Variants in BTNL8 observed in about 807,000 individuals in gnomAD.
The protein encoded by BTNL8 is butyrophilin-like protein 8.
In BTNL8, 22 loss-of-function variants were observed where a neutral mutation model predicts 36.1. The observed-to-expected ratio is 0.61, with a 90% CI of 0.44 to 0.87. The LOEUF (loss-of-function observed/expected upper bound fraction) is 0.87, where lower values mean the gene tolerates loss of function less well. BTNL8 is among the 40% of genes least tolerant of loss of function. The pLI, the probability that BTNL8 is intolerant of heterozygous loss-of-function variation, is 0.00. For missense variants in BTNL8, 526 were observed against 616.9 expected (o/e 0.85, Z 1.56); for synonymous variants, 203 against 235.6 (o/e 0.86, Z 1.27).
In BTNL8 at chr5:180,950,800, C is replaced by G. The variant is rs1759520295; in HGVS notation, c.*256C>G. Reference sequence around the variant, plus strand: ...AGAACCGTCAGGAATTCCCATCTCACAGGCTGTGGTGTAGATTAAGTAGAC... The same window carrying G: ...AGAACCGTCAGGAATTCCCATCTCAGAGGCTGTGGTGTAGATTAAGTAGAC... On this transcript the variant is annotated 3_prime_UTR_variant, in exon 8 of 8. Coordinates refer to ENST00000340184, the MANE Select transcript of BTNL8 (RefSeq NM_001040462.3). The G allele has an allele frequency of 2.1e-6, 1 of 474,834 alleles. No homozygotes were observed. Among genetic ancestry groups the G allele is most frequent in the Non-Finnish European group, 3.9e-6 (1 of 256,866 alleles). 29.4% of individuals were successfully genotyped at this position (474,834 alleles called of 1,614,324 possible). A position where few individuals can be genotyped will look rare whatever the true frequency, so the allele number is the denominator to read the frequency against.
chr5:180,913,221 A>G (rs1161420061), intron 3 of BTNL8, among the ~76,000 whole-genome samples: 1 of 152,170 alleles, frequency 6.6e-6, no homozygotes, highest in Non-Finnish European at 1.5e-5. Context: ...TGCCAGTGAA[A>G]GCAGTCTCAG....
intron 3 of BTNL8, among the ~76,000 whole-genome samples, chr5:180,940,054 T>C (rs962869490): frequency 2.6e-5 from 4 of 152,046 alleles, no homozygotes; most frequent in African/African-American, 9.7e-5. Flanking sequence ...AAAATATAAA[T>C]ACAACATACC....
chr5:180,908,718 C>G lies in BTNL8; in HGVS notation c.182C>G (p.Ser61Cys). The G allele has an allele frequency of 6.2e-7, 1 of 1,614,230 alleles. No individual in the cohort carries two copies. Among genetic ancestry groups the G allele is most frequent in the Non-Finnish European group, 8.5e-7 (1 of 1,180,040 alleles). Residue 61 changes from serine to cysteine, a missense_variant, in exon 2 of 8, where the codon TCT (serine) becomes TGT (cysteine). Transcript: ENST00000340184. ...MEVRFFRGQF[S>C]SVVHLYRDGK... The stretch of plus-strand genomic sequence containing the variant: ...GTGCGGTTCTTCAGGGGCCAGTTCT[C>G]TAGCGTGGTCCACCTCTACAGGGAC...
intron 2 of BTNL8, 46 bp downstream of exon 2, chr5:180,908,979 G>A (rs756653090): frequency 6.5e-7 from 1 of 1,536,830 alleles, no homozygotes; most frequent in South Asian, 1.2e-5. Flanking sequence ...GAACCATCCT[G>A]GACTTTATAA....
Position 180,899,662 on chromosome 5 carries a change from AGGT to A in BTNL8, c.49+304_49+306del, listed in dbSNP as rs1463908496. Among the ~76,000 whole-genome samples, 14 of 152,302 alleles carry A rather than the reference AGGT, an allele frequency of 9.2e-5. No individual in the cohort carries two copies. In the South Asian group the frequency reaches 2.3e-3, roughly 25 times the overall value. ...TGTAGGCAGGGTTATTGGAGCACCA[AGGT>A]TGCTGACATGGATGTCCATCTGGGA... is the stretch of plus-strand genomic sequence containing the variant. On this transcript the variant is annotated intron_variant, in intron 1 of 7. Transcript: ENST00000340184.
chr5:180,941,116 GGAAGGA>G (rs1758920070), intron 3 of BTNL8, among the ~76,000 whole-genome samples: 2 of 85,702 alleles, frequency 2.3e-5, no homozygotes, highest in African/African-American at 6.6e-5. Context: ...AAGGGAGGAA[GGAAGGA>G]AGGAAGGAAG....
rs948630037 is a variant in BTNL8, at chr5:180,935,498, C to T, written c.674-12014C>T. Among the ~76,000 whole-genome samples, 1 of 152,218 alleles carries T rather than the reference C, an allele frequency of 6.6e-6. No homozygotes were observed. On this transcript the variant is annotated intron_variant, in intron 3 of 7. Coordinates refer to ENST00000340184, the MANE Select transcript of BTNL8 (RefSeq NM_001040462.3). The surrounding 1 kb of genome is among the most constrained non-coding windows in gnomAD (Gnocchi z 4.8). The stretch of plus-strand genomic sequence containing the variant: ...CATACCTGGCTGGGCACAACAGTGC[C>T]CGGACTCGGCTACAACTTTGCTTTG...
chr5:180,922,665 C>G (rs1414847522), intron 3 of BTNL8, among the ~76,000 whole-genome samples: 1 of 134,418 alleles, frequency 7.4e-6, no homozygotes, highest in Admixed American at 7.4e-5. Flanking sequence ...GAATGTATAT[C>G]CTGTTATTTT....
chr5:180,899,193 C>A lies in BTNL8; in HGVS notation c.-118C>A, dbSNP rs1435357494. The A allele has an allele frequency of 2.5e-6, 3 of 1,207,492 alleles. No individual in the cohort carries two copies. Among genetic ancestry groups the A allele is most frequent in the African/African-American group, 1.5e-5 (1 of 66,616 alleles). 74.8% of individuals were successfully genotyped at this position (1,207,492 alleles called of 1,614,324 possible). ...CAGTTTGCCCTCCGCTCACGCAGAG[C>A]CTCTCCGTGGCTTCCGCACCTTGAG... On this transcript the variant is annotated 5_prime_UTR_variant, in exon 1 of 8. Transcript: ENST00000340184.
rs772066287 is a variant in BTNL8 at position 180,948,420 on chromosome 5, G to T, written c.808+45G>T. 1.9e-6 allele frequency: 3 copies of T among 1,560,840 alleles called. 1 individual carries two copies. The highest frequency in any genetic ancestry group is 2.3e-5 in the East Asian group (1 of 42,786). ...TGAGCCTCCCACACATGGTTCTCCC[G>T]GGTCCCTCCCTGATCCACAGTTTGA... On this transcript the variant is annotated intron_variant, in intron 5 of 7. Transcript: ENST00000340184.
At chr5:180,924,723 T>C (rs1040643760) in intron 3 of BTNL8, among the ~76,000 whole-genome samples, 3 of 152,164 alleles carry the variant, frequency 2.0e-5, no homozygotes, top group Non-Finnish European at 4.4e-5. Flanking sequence ...TCTTCAAATG[T>C]GCAGGCACCA....
chr5:180,933,558 A>G (rs1224037822), intron 3 of BTNL8, among the ~76,000 whole-genome samples: 1 of 152,222 alleles, frequency 6.6e-6, no homozygotes, highest in Non-Finnish European at 1.5e-5. Flanking sequence ...GTCGCAGGAA[A>G]AAACAAGAAT....
At chr5:180,902,371 A>G in intron 1 of BTNL8, 2 of 1,551,214 alleles carry the variant, frequency 1.3e-6, no homozygotes, top group Middle Eastern at 1.7e-4. Context: ...GAATGAAGTA[A>G]CTGATGTGGA....
At chr5:180,907,795 G>GC (rs1252413141) in intron 1 of BTNL8, among the ~76,000 whole-genome samples, 1 of 151,788 alleles carries the variant, frequency 6.6e-6, no homozygotes, top group African/African-American at 2.4e-5. Context: ...GTGTCAGTGT[G>GC]CCCCTGCTGG....
intron 2 of BTNL8, among the ~76,000 whole-genome samples, chr5:180,911,015 T>C (rs910557911): frequency 1.3e-5 from 2 of 152,248 alleles, no homozygotes; most frequent in African/African-American, 4.8e-5. Context: ...ATTCGGGTCA[T>C]CGTTCCTTTG....
chr5:180,908,798 G>T lies in BTNL8; in HGVS notation c.262G>T (p.Val88Leu). ...ACAGTATCAAGGCAGGACAAAACTGGTGAAGGATTCTATTGCGGAGGGGCG... is the reference window on the plus strand; with the variant it reads ...ACAGTATCAAGGCAGGACAAAACTGTTGAAGGATTCTATTGCGGAGGGGCG... ...MPQYQGRTKL[V>L]KDSIAEGRIS... Residue 88 changes from valine (V) to leucine (L), a missense_variant, in exon 2 of 8, where the codon GTG (valine) becomes TTG (leucine). Val to Leu is a conservative substitution (Grantham distance 32). Transcript: ENST00000340184. The T allele has an allele frequency of 6.2e-7, 1 of 1,614,208 alleles. No individual in the cohort carries two copies. The highest frequency in any genetic ancestry group is 1.7e-5 in the Admixed American group (1 of 60,022).
intron 3 of BTNL8, among the ~76,000 whole-genome samples, chr5:180,938,321 C>T (rs1245571987): frequency 1.3e-5 from 2 of 152,168 alleles, no homozygotes; most frequent in Admixed American, 6.5e-5. Context: ...TTTGCAAGTC[C>T]TGGAAGAGAT....
rs751700865 is a variant in BTNL8, at chr5:180,899,304, C to A, written c.-7C>A. On this transcript the variant is annotated 5_prime_UTR_variant, in exon 1 of 8. Transcript: ENST00000340184. ...CATGCCGTGAGGTCCATTCACAGAACACATCCATGGCTCTCATGCTCAGTT... is the reference window on the plus strand; with the variant it reads ...CATGCCGTGAGGTCCATTCACAGAAAACATCCATGGCTCTCATGCTCAGTT... 2.5e-6 allele frequency: 4 copies of A among 1,614,156 alleles called. No individual in the cohort carries two copies. Among genetic ancestry groups the A allele is most frequent in the Non-Finnish European group, 3.4e-6 (4 of 1,179,972 alleles).
chr5:180,920,205 CTAATAGTAAT>C (rs1418686490), intron 3 of BTNL8, among the ~76,000 whole-genome samples: 1 of 151,912 alleles, frequency 6.6e-6, no homozygotes, highest in Non-Finnish European at 1.5e-5. Context: ...TTGCACCAAC[CTAATAGTAAT>C]TAAAACCATA....
Sources: gnomAD v4.1 joint callset for allele counts (sites outside exome capture counted in the v4.1 genomes callset) on GRCh38, gnomAD v4.1.1 for gene constraint, Gnocchi (gnomAD v3.1) non-coding constraint, MANE v1.5 for transcripts, NCBI Gene and HGNC (gene_info 2026-07-23, HGNC 2026-07-21) for gene names.